The following DLG2 variants were observed in gnomAD, a reference collection of about 807,000 sequenced individuals.
DLG2 encodes the protein discs large MAGUK scaffold protein 2, also known as disks large homolog 2.
Under a neutral mutation model 132.5 loss-of-function variants are expected in DLG2, and 45 were observed. That is an observed-to-expected ratio of 0.34 (90% confidence interval 0.27 to 0.44). DLG2 has a LOEUF of 0.44. Ranked by LOEUF, DLG2 falls within the 20% of genes least tolerant of loss-of-function variation. DLG2 has a pLI of 1.00. For synonymous variants in DLG2, 424 were observed against 419.6 expected (o/e 1.01, Z -0.13); for missense variants, 1,045 against 1,196.9 (o/e 0.87, Z 1.87).
intron 16 of DLG2, among the ~76,000 whole-genome samples, chr11:83,859,239 C>G (rs2154044661): frequency 6.6e-6 from 1 of 152,254 alleles, no homozygotes; most frequent in Non-Finnish European, 1.5e-5. Flanking sequence ...AACTGGGTAA[C>G]AAGTAGAGGC....
At chr11:84,146,634 A>G (rs933627829) in intron 9 of DLG2, among the ~76,000 whole-genome samples, 2 of 152,182 alleles carry the variant, frequency 1.3e-5, no homozygotes, top group Admixed American at 6.6e-5. Context: ...CTGTGGCAAT[A>G]TGACCCTAGG....
chr11:85,615,858 C>T (rs756494552), intron 2 of DLG2, among the ~76,000 whole-genome samples: 41 of 152,070 alleles, frequency 2.7e-4, no homozygotes, highest in Non-Finnish European at 5.4e-4. Flanking sequence ...AAGCTGAACC[C>T]AAACCACTGA....
At chr11:85,027,252 CAT>C (rs1240150423) in intron 6 of DLG2, among the ~76,000 whole-genome samples, 2 of 127,290 alleles carry the variant, frequency 1.6e-5, no homozygotes, top group African/African-American at 5.9e-5. Flanking sequence ...GTTAAATACA[CAT>C]ATGATATACA....
At chr11:84,026,233 A>G (rs1361258107) in intron 11 of DLG2, among the ~76,000 whole-genome samples, 1 of 152,082 alleles carries the variant, frequency 6.6e-6, no homozygotes. Flanking sequence ...CGGGGAGTAA[A>G]GGCTTTTACC....
chr11:83,540,164 TAG>T (rs2096020444), intron 20 of DLG2, among the ~76,000 whole-genome samples: 1 of 152,178 alleles, frequency 6.6e-6, no homozygotes, highest in East Asian at 1.9e-4. Flanking sequence ...CTCTTTCTTC[TAG>T]AGAACAGCTC....
rs1302358014 is a variant in DLG2 at position 85,088,004 on chromosome 11, A to G, written c.357+23657T>C. Among the ~76,000 whole-genome samples the G allele has an allele frequency of 2.0e-5, 3 of 152,200 alleles. No homozygotes were observed. In the East Asian group the frequency reaches 5.8e-4, roughly 29 times the overall value. On this transcript the variant is annotated intron_variant, in intron 6 of 27. Transcript: ENST00000376104. The stretch of plus-strand genomic sequence containing the variant: ...AGATTTATATTTTTCAAGTTAAGCT[A>G]GTAGGTTGATGTGTGAATAGTGTAT...
chr11:84,195,917 A>G (rs940932996), intron 8 of DLG2, among the ~76,000 whole-genome samples: 3 of 152,196 alleles, frequency 2.0e-5, no homozygotes, highest in African/African-American at 7.2e-5. Flanking sequence ...CTATATTTGC[A>G]TTTATAATTC....
intron 21 of DLG2, among the ~76,000 whole-genome samples, chr11:83,499,857 A>C: frequency 2.7e-5 from 1 of 37,438 alleles, no homozygotes; most frequent in Middle Eastern, 8.6e-3. Context: ...TAGGAGATAT[A>C]TATATATATA....
intron 6 of DLG2, among the ~76,000 whole-genome samples, chr11:84,833,965 ATGCTAACTTGGCAATTTACAC>A (rs1383215915): frequency 1.3e-5 from 2 of 151,612 alleles, no homozygotes; most frequent in Admixed American, 1.3e-4. Context: ...CGCCTACCAT[ATGCTAACTTGGCAATTTACAC>A]TCCTTACAAA....
chr11:85,468,168 A>ATT (rs564395830), intron 3 of DLG2, among the ~76,000 whole-genome samples: 5 of 146,346 alleles, frequency 3.4e-5, no homozygotes, highest in Middle Eastern at 3.5e-3. Context: ...CCCCTTTATC[A>ATT]TTTTTTTTTT....
At chr11:84,532,300 A>G (rs1240416178) in intron 7 of DLG2, among the ~76,000 whole-genome samples, 2 of 152,008 alleles carry the variant, frequency 1.3e-5, no homozygotes, top group East Asian at 3.9e-4. Flanking sequence ...TATTTCAAAT[A>G]TTTCATCTAT....
At chr11:83,483,266 T>C in intron 22 of DLG2, 2 of 1,613,002 alleles carry the variant, frequency 1.2e-6, no homozygotes, top group Non-Finnish European at 1.7e-6. Context: ...GAGTCTTTGT[T>C]CCATAACCGT....
intron 21 of DLG2, among the ~76,000 whole-genome samples, chr11:83,529,534 A>G (rs2095687095): frequency 6.6e-6 from 1 of 152,118 alleles, no homozygotes; most frequent in Non-Finnish European, 1.5e-5. Context: ...AATAGAGAAT[A>G]ATTCCCAATG....
intron 8 of DLG2, among the ~76,000 whole-genome samples, chr11:84,235,237 A>G (rs2097143492): frequency 6.6e-6 from 1 of 152,192 alleles, no homozygotes; most frequent in African/African-American, 2.4e-5. Context: ...GTATTGATTG[A>G]TATCTTATGT....
At chr11:83,753,815 T>TATC (rs1490293801) in intron 18 of DLG2, among the ~76,000 whole-genome samples, 588 of 56,894 alleles carry the variant, frequency 0.01, 65 homozygotes, top group African/African-American at 0.06. Context: ...ATATATCATA[T>TATC]ATATATTTCA....
chr11:83,695,694 GT>G (rs2081790587), intron 18 of DLG2, among the ~76,000 whole-genome samples: 1 of 152,088 alleles, frequency 6.6e-6, no homozygotes, highest in African/African-American at 2.4e-5. Flanking sequence ...AGCCGAGATG[GT>G]GCCACTGCAC....
intron 17 of DLG2, among the ~76,000 whole-genome samples, chr11:83,804,865 T>C (rs560527792): frequency 4.6e-5 from 7 of 152,170 alleles, no homozygotes; most frequent in Non-Finnish European, 8.8e-5. Flanking sequence ...GTTTTATGCA[T>C]TGCATTTGGT....
intron 7 of DLG2, among the ~76,000 whole-genome samples, chr11:84,406,010 A>C (rs558112206): frequency 6.6e-6 from 1 of 152,212 alleles, no homozygotes; most frequent in Admixed American, 6.5e-5. Context: ...TCTTGGTCAC[A>C]GTTTTGTTAT....
chr11:84,191,502 T>C (rs891071764), intron 8 of DLG2, among the ~76,000 whole-genome samples: 3 of 152,234 alleles, frequency 2.0e-5, no homozygotes, highest in African/African-American at 4.8e-5. Context: ...CATTATTTCA[T>C]TTGTTAAACA....
Sources: gnomAD v4.1 joint callset for allele counts (sites outside exome capture counted in the v4.1 genomes callset) on GRCh38, gnomAD v4.1.1 for gene constraint, MANE v1.5 for transcripts, NCBI Gene and HGNC (gene_info 2026-07-23, HGNC 2026-07-21) for gene names.